SLC24A2: variants seen among roughly 807,000 people sequenced by gnomAD.
The protein encoded by SLC24A2 is sodium/potassium/calcium exchanger 2.
Under a neutral mutation model 62.0 loss-of-function variants are expected in SLC24A2, and 36 were observed. The ratio of observed to expected loss-of-function variants is 0.58; its 90% CI spans 0.44 to 0.77. The LOEUF (loss-of-function observed/expected upper bound fraction) is 0.77, where lower values mean the gene tolerates loss of function less well. Among genes scored for constraint, SLC24A2 ranks in the 30% least tolerant of loss-of-function variants. The pLI, the probability that SLC24A2 is intolerant of heterozygous loss-of-function variation, is 0.00. For synonymous variants in SLC24A2, 358 were observed against 294.0 expected, an observed-to-expected ratio of 1.22 and a Z score of -2.23; for missense variants, 846 against 817.9, an observed-to-expected ratio of 1.03 and a Z score of -0.42.
chr9:19,782,391 T>C (rs956348918), intron 2 of SLC24A2, among the ~76,000 whole-genome samples: 2 of 152,202 alleles, frequency 1.3e-5, no homozygotes, highest in African/African-American at 2.4e-5. Context: ...AGAATGGATA[T>C]TGCTAAGTCC....
intron 2 of SLC24A2, among the ~76,000 whole-genome samples, chr9:19,736,663 AC>A (rs1409783101): frequency 6.6e-6 from 1 of 152,092 alleles, no homozygotes. Context: ...ACATAGTGAG[AC>A]CCTCGTCTCT....
the SLC24A2 span, among the ~76,000 whole-genome samples, chr9:20,027,505 T>C: frequency 1.3e-5 from 2 of 152,160 alleles, no homozygotes; most frequent in Non-Finnish European, 2.9e-5. Flanking sequence ...TGTGACAATA[T>C]TGATGAACGT....
At chr9:19,988,136 T>C in the SLC24A2 span, among the ~76,000 whole-genome samples, 2 of 152,162 alleles carry the variant, frequency 1.3e-5, no homozygotes, top group African/African-American at 4.8e-5. Flanking sequence ...AGGGTTTTTT[T>C]CCTTTTTTCT....
chr9:19,538,983 TA>T (rs1325400469), intron 8 of SLC24A2, among the ~76,000 whole-genome samples: 1 of 132,492 alleles, frequency 7.5e-6, no homozygotes, highest in Non-Finnish European at 1.6e-5. Context: ...TTTTCTAGTT[TA>T]TTTGTGTAGA....
chr9:20,245,401 CAA>C, the SLC24A2 span, among the ~76,000 whole-genome samples: 1 of 152,068 alleles, frequency 6.6e-6, no homozygotes. Context: ...GCAAGAAAGC[CAA>C]AGAGAGGTGG....
At chr9:19,996,465 G>T in the SLC24A2 span, among the ~76,000 whole-genome samples, 1 of 152,132 alleles carries the variant, frequency 6.6e-6, no homozygotes, top group Non-Finnish European at 1.5e-5. Context: ...TCAATGCCAG[G>T]TGCGGTGGCT....
intron 4 of SLC24A2, among the ~76,000 whole-genome samples, chr9:19,613,415 C>T (rs941757243): frequency 6.6e-6 from 1 of 152,160 alleles, no homozygotes. Flanking sequence ...CTTCTTTGAA[C>T]TGAAACCATC....
At chr9:19,756,409 A>G (rs1036474164) in intron 2 of SLC24A2, among the ~76,000 whole-genome samples, 1 of 152,236 alleles carries the variant, frequency 6.6e-6, no homozygotes, top group African/African-American at 2.4e-5. Context: ...CTTTGCAAAT[A>G]TTCAAAGCTT....
the SLC24A2 span, among the ~76,000 whole-genome samples, chr9:19,994,878 C>T: frequency 6.6e-6 from 1 of 152,134 alleles, no homozygotes. Flanking sequence ...TTCCAATGTA[C>T]CAATATACAG....
intron 2 of SLC24A2, among the ~76,000 whole-genome samples, chr9:19,771,456 TA>T (rs1365425166): frequency 1.3e-5 from 2 of 152,188 alleles, no homozygotes; most frequent in Non-Finnish European, 2.9e-5. Flanking sequence ...GGACTTAAAA[TA>T]AAAGGCAGCA....
rs71335440 is a variant in SLC24A2 at position 19,642,671 on chromosome 9, C to CTTTTTTTTTTTTTTTTT, written c.931-20389_931-20373dup. On this transcript the variant is annotated intron_variant, in intron 2 of 10. Coordinates refer to ENST00000341998, the MANE Select transcript of SLC24A2 (RefSeq NM_020344.4). ...AGAATGGTTTATATGAGAGCGTATTCTTTTTTTTTTTTTTTTTTTTTTTTT... is the reference window on the plus strand; with the variant it reads ...AGAATGGTTTATATGAGAGCGTATTCTTTTTTTTTTTTTTTTTTTTTTTTTTTTTTTTTTTTTTTTTT... 3.8e-5 allele frequency among the ~76,000 whole-genome samples: 3 copies of CTTTTTTTTTTTTTTTTT among 79,850 alleles called. 1 individual carries two copies. Among genetic ancestry groups the CTTTTTTTTTTTTTTTTT allele is most frequent in the Non-Finnish European group, 7.4e-5 (3 of 40,580 alleles). 52.4% of individuals were successfully genotyped at this position (79,850 alleles called of 152,430 possible).
At chr9:20,022,027 T>C in the SLC24A2 span, among the ~76,000 whole-genome samples, 1 of 152,186 alleles carries the variant, frequency 6.6e-6, no homozygotes, top group Non-Finnish European at 1.5e-5. Context: ...AAAATCCTGA[T>C]TTAATTTACT....
intron 2 of SLC24A2, among the ~76,000 whole-genome samples, chr9:19,756,043 A>G (rs1393027633): frequency 1.3e-5 from 2 of 152,178 alleles, no homozygotes; most frequent in African/African-American, 4.8e-5. Context: ...CACTGGGCTG[A>G]GGGCCAGGTT....
chr9:19,838,506 G>A, the SLC24A2 span, among the ~76,000 whole-genome samples: 1 of 151,314 alleles, frequency 6.6e-6, no homozygotes, highest in Non-Finnish European at 1.5e-5. Flanking sequence ...GGGTGTGGTA[G>A]CACACGCCTG....
chr9:20,053,948 T>C, the SLC24A2 span, among the ~76,000 whole-genome samples: 1 of 152,198 alleles, frequency 6.6e-6, no homozygotes, highest in African/African-American at 2.4e-5. Context: ...TGGCACTGCA[T>C]GTGCATGAGC....
At chr9:20,223,145 A>G in the SLC24A2 span, among the ~76,000 whole-genome samples, 2 of 152,120 alleles carry the variant, frequency 1.3e-5, no homozygotes, top group Non-Finnish European at 2.9e-5. Context: ...ATGCCACTCT[A>G]AACATCAATA....
chr9:19,778,582 G>A (rs1564095883), intron 2 of SLC24A2, among the ~76,000 whole-genome samples: 1 of 152,174 alleles, frequency 6.6e-6, no homozygotes, highest in African/African-American at 2.4e-5. Context: ...GAATTTTTAA[G>A]CACAGGCTCG....
intron 4 of SLC24A2, among the ~76,000 whole-genome samples, chr9:19,618,480 G>GC (rs967085341): frequency 6.6e-6 from 1 of 152,110 alleles, no homozygotes; most frequent in African/African-American, 2.4e-5. Flanking sequence ...TGATTGAAAC[G>GC]CCCCATGCTC....
chr9:19,782,070 A>G (rs147682154), intron 2 of SLC24A2, among the ~76,000 whole-genome samples: 158 of 152,366 alleles, frequency 1.0e-3, no homozygotes, highest in African/African-American at 3.7e-3. Flanking sequence ...AGCTTTAAGC[A>G]TCTTTATTTA....
Sources: allele counts gnomAD v4.1 joint callset (sites outside exome capture counted in the v4.1 genomes callset), GRCh38; gene constraint gnomAD v4.1.1; transcripts MANE v1.5; gene names NCBI Gene and HGNC (gene_info 2026-07-23, HGNC 2026-07-21).